Variants in BAZ2B observed in about 807,000 individuals in gnomAD.
BAZ2B encodes bromodomain adjacent to zinc finger domain 2B, also known as bromodomain adjacent to zinc finger domain protein 2B.
A neutral mutation model predicts 246.0 loss-of-function variants in BAZ2B; 91 were observed. The ratio of observed to expected loss-of-function variants is 0.37; its 90% CI spans 0.31 to 0.44. The LOEUF (loss-of-function observed/expected upper bound fraction) is 0.44, where lower values mean the gene tolerates loss of function less well. BAZ2B is among the 20% of genes least tolerant of loss of function. The pLI is 1.00. For synonymous variants in BAZ2B, 855 were observed against 860.0 expected, an observed-to-expected ratio of 0.99 and a Z score of 0.10; for missense variants, 2,332 against 2,533.7, an observed-to-expected ratio of 0.92 and a Z score of 1.71.
chr2:159,498,104 T>C (rs1225810604), intron 2 of BAZ2B, among the ~76,000 whole-genome samples: 1 of 152,224 alleles, frequency 6.6e-6, no homozygotes, highest in Non-Finnish European at 1.5e-5. Context: ...AGTATGTCTG[T>C]TGAGCTTTGG....
chr2:159,428,718 C>T (rs1257972831), intron 11 of BAZ2B, among the ~76,000 whole-genome samples: 3 of 152,048 alleles, frequency 2.0e-5, no homozygotes, highest in Admixed American at 1.3e-4. Flanking sequence ...TGATTTTTTA[C>T]ATCTGAAAAG....
In BAZ2B at chr2:159,478,635, C is replaced by T; in HGVS notation, c.85G>A (p.Val29Ile). The T allele has an allele frequency of 6.2e-7, 1 of 1,611,680 alleles. No individual in the cohort carries two copies. Among genetic ancestry groups the T allele is most frequent in the Non-Finnish European group, 8.5e-7 (1 of 1,178,582 alleles). Residue 29 changes from valine to isoleucine, a missense_variant, in exon 3 of 37, where the codon GTT becomes ATT. Physicochemically the swap from Val to Ile is conservative, Grantham distance 29. This residue lies in a region of BAZ2B where 242 missense variants were observed against 237.4 expected (regional missense o/e 1.02). Transcript: ENST00000392783. Reference sequence around the variant, plus strand: ...CCAGTGGAAAGGCCACCTTTTGAAACTACTGAAGCCACAGAAGGTGTCGAA... The same window carrying T: ...CCAGTGGAAAGGCCACCTTTTGAAATTACTGAAGCCACAGAAGGTGTCGAA... ...SSSTPSVASV[V>I]SKGGLSTGVA...
At chr2:159,564,101 C>T (rs2090132597) in intron 1 of BAZ2B, among the ~76,000 whole-genome samples, 1 of 152,110 alleles carries the variant, frequency 6.6e-6, no homozygotes, top group African/African-American at 2.4e-5. Context: ...AAGTACTACA[C>T]TGAAGGGTAA....
chr2:159,628,390 G>A, the BAZ2B span, among the ~76,000 whole-genome samples: 18 of 152,216 alleles, frequency 1.2e-4, no homozygotes, highest in African/African-American at 3.4e-4. Flanking sequence ...GAACAAAGCT[G>A]TAGGCGTCAC....
intron 4 of BAZ2B, among the ~76,000 whole-genome samples, chr2:159,449,795 G>A (rs2074790863): frequency 6.6e-6 from 1 of 152,182 alleles, no homozygotes; most frequent in Non-Finnish European, 1.5e-5. Flanking sequence ...GAAAAAGTAT[G>A]TGTTTTGGGC....
chr2:159,505,945 T>C (rs929871178), intron 2 of BAZ2B, among the ~76,000 whole-genome samples: 1 of 152,200 alleles, frequency 6.6e-6, no homozygotes, highest in African/African-American at 2.4e-5. Context: ...CATTATAAAC[T>C]ATCTACCCGG....
At chr2:159,425,271 C>T (rs2069588989) in intron 13 of BAZ2B, among the ~76,000 whole-genome samples, 2 of 152,162 alleles carry the variant, frequency 1.3e-5, no homozygotes, top group African/African-American at 4.8e-5. Context: ...ACCTCCACCT[C>T]CCAGGTTCAA....
At chr2:159,539,952 G>A (rs1473117129) in intron 2 of BAZ2B, among the ~76,000 whole-genome samples, 1 of 152,098 alleles carries the variant, frequency 6.6e-6, no homozygotes, top group African/African-American at 2.4e-5. Context: ...GACCTTCCCT[G>A]ACTGTTATAT....
the BAZ2B span, among the ~76,000 whole-genome samples, chr2:159,706,492 G>A: frequency 6.6e-6 from 1 of 152,188 alleles, no homozygotes; most frequent in African/African-American, 2.4e-5. Context: ...CATGGTCCTC[G>A]ATTATTATAA....
chr2:159,516,852 A>G (rs1276703565), intron 2 of BAZ2B, among the ~76,000 whole-genome samples: 6 of 152,170 alleles, frequency 3.9e-5, no homozygotes, highest in African/African-American at 1.4e-4. Context: ...AACTCACATG[A>G]TAGGAATGCT....
At chr2:159,532,226 T>C (rs1357707579) in intron 2 of BAZ2B, among the ~76,000 whole-genome samples, 1 of 152,150 alleles carries the variant, frequency 6.6e-6, no homozygotes, top group Admixed American at 6.5e-5. Context: ...ATTTACATAG[T>C]AATAAAATAA....
chr2:159,436,858 A>G (rs2150247945), intron 8 of BAZ2B, among the ~76,000 whole-genome samples: 1 of 152,308 alleles, frequency 6.6e-6, no homozygotes, highest in East Asian at 1.9e-4. Context: ...TTTAAGTGAC[A>G]TTTTCTTCAG....
intron 25 of BAZ2B, among the ~76,000 whole-genome samples, chr2:159,380,394 T>C (rs573007055): frequency 1.3e-5 from 2 of 152,350 alleles, no homozygotes; most frequent in South Asian, 4.1e-4. Flanking sequence ...ATGACCTCTA[T>C]GTTGCCAAAT....
chr2:159,469,615 A>G (rs954243923), intron 3 of BAZ2B, among the ~76,000 whole-genome samples: 1 of 151,788 alleles, frequency 6.6e-6, no homozygotes, highest in East Asian at 1.9e-4. Flanking sequence ...TTTTATATAT[A>G]TTTTTAGTAG....
chr2:159,620,894 A>G (rs1696405373), upstream of BAZ2B, among the ~76,000 whole-genome samples: 1 of 152,202 alleles, frequency 6.6e-6, no homozygotes, highest in Non-Finnish European at 1.5e-5. Flanking sequence ...TTTTGAGGGA[A>G]CAGTAACTGT....
intron 2 of BAZ2B, among the ~76,000 whole-genome samples, chr2:159,505,575 A>G (rs764189773): frequency 2.0e-5 from 3 of 152,230 alleles, no homozygotes; most frequent in Non-Finnish European, 2.9e-5. Context: ...CCCAGTACTT[A>G]ATATTAAAGA....
At chr2:159,538,092 G>C (rs2086238032) in intron 2 of BAZ2B, among the ~76,000 whole-genome samples, 1 of 152,122 alleles carries the variant, frequency 6.6e-6, no homozygotes, top group African/African-American at 2.4e-5. Context: ...TGTCTCCTGG[G>C]TTCAAGGGAT....
chr2:159,354,612 A>G (rs2058900521), intron 27 of BAZ2B, among the ~76,000 whole-genome samples: 1 of 152,152 alleles, frequency 6.6e-6, no homozygotes, highest in Non-Finnish European at 1.5e-5. Context: ...CAGCCTCCCA[A>G]AGTGCTGGGA....
intron 2 of BAZ2B, among the ~76,000 whole-genome samples, chr2:159,514,490 T>C (rs1246664416): frequency 1.3e-5 from 2 of 152,172 alleles, no homozygotes; most frequent in African/African-American, 4.8e-5. Flanking sequence ...GCCTGATACT[T>C]AGGCATTCCA....
Sources: gnomAD v4.1 joint callset for allele counts (sites outside exome capture counted in the v4.1 genomes callset) on GRCh38, gnomAD v4.1.1 for gene constraint, gnomAD v4.1.1 regional missense constraint, MANE v1.5 for transcripts, NCBI Gene and HGNC (gene_info 2026-07-23, HGNC 2026-07-21) for gene names.